SEPTIN9: variants seen among roughly 807,000 people sequenced by gnomAD.
The protein encoded by SEPTIN9 is septin-9.
Under a neutral mutation model 56.6 loss-of-function variants are expected in SEPTIN9, and 13 were observed. The ratio of observed to expected loss-of-function variants is 0.23; its 90% CI spans 0.15 to 0.37. The LOEUF is 0.37. SEPTIN9 is among the 10% of genes least tolerant of loss of function. SEPTIN9 has a pLI of 1.00. For missense variants in SEPTIN9, 650 were observed against 823.1 expected (o/e 0.79, Z 2.57); for synonymous variants, 332 against 334.1 (o/e 0.99, Z 0.07).
chr17:77,441,744 G>A (rs932058048), intron 3 of SEPTIN9, among the ~76,000 whole-genome samples: 2 of 152,168 alleles, frequency 1.3e-5, no homozygotes, highest in Non-Finnish European at 2.9e-5. Context: ...TGAACACCTG[G>A]TGCCTCTGTC....
rs750441161 is a variant in SEPTIN9 at position 77,323,242 on chromosome 17, A to G, written c.76+16045A>G. On this transcript the variant is annotated intron_variant, in intron 2 of 11. Coordinates refer to ENST00000427177, the MANE Select transcript of SEPTIN9 (RefSeq NM_001113491.2). This position sits in a 1 kb window ranked among gnomAD's most constrained non-coding sequence, Gnocchi z 6.8. ...TGGAGGGTTTGTCAGCAGGGCCGGC[A>G]TGAGTCATGGAGTGGTGACTGGCCG... Among the ~76,000 whole-genome samples, 6 of 152,028 alleles carry G rather than the reference A, an allele frequency of 3.9e-5. No homozygotes were observed. The highest frequency in any genetic ancestry group is 8.8e-5 in the Non-Finnish European group (6 of 67,980).
At chr17:77,444,421 T>G (rs1598384700) in intron 3 of SEPTIN9, among the ~76,000 whole-genome samples, 1 of 148,072 alleles carries the variant, frequency 6.8e-6, no homozygotes, top group African/African-American at 2.5e-5. Flanking sequence ...GGGACTGATT[T>G]GAGACACCGG....
intron 2 of SEPTIN9, among the ~76,000 whole-genome samples, chr17:77,320,509 G>A (rs938354050): frequency 2.0e-5 from 3 of 152,182 alleles, no homozygotes; most frequent in Non-Finnish European, 2.9e-5. Context: ...GATGAACTCC[G>A]TCTCAGAAGC....
chr17:77,320,196 A>T (rs2032856527), intron 2 of SEPTIN9: 1 of 1,598,248 alleles, frequency 6.3e-7, no homozygotes, highest in Admixed American at 1.7e-5. Flanking sequence ...TAGACCAGAC[A>T]AAGAGTGTTT....
chr17:77,351,929 G>C (rs1294809232), intron 2 of SEPTIN9, among the ~76,000 whole-genome samples: 1 of 152,214 alleles, frequency 6.6e-6, no homozygotes, highest in Non-Finnish European at 1.5e-5. Context: ...CTGGACGTGG[G>C]AAAATGCACT....
At chr17:77,410,348 A>G (rs923916613) in intron 3 of SEPTIN9, among the ~76,000 whole-genome samples, 13 of 152,264 alleles carry the variant, frequency 8.5e-5, no homozygotes, top group African/African-American at 2.9e-4. Context: ...TGATTTGTCC[A>G]CAGTTACATG....
intron 3 of SEPTIN9, among the ~76,000 whole-genome samples, chr17:77,424,468 C>T (rs1379115207): frequency 5.9e-5 from 9 of 152,174 alleles, no homozygotes; most frequent in Admixed American, 5.9e-4. Flanking sequence ...AGGGAAGGGG[C>T]TTCAGGAGGT....
intron 3 of SEPTIN9, among the ~76,000 whole-genome samples, chr17:77,407,797 C>T (rs1420499591): frequency 6.6e-6 from 1 of 152,210 alleles, no homozygotes; most frequent in Admixed American, 6.5e-5. Context: ...GGCGCTCATC[C>T]TTTGGGGTCA....
chr17:77,283,160 C>CTT (rs33965677), intron 1 of SEPTIN9, among the ~76,000 whole-genome samples: 2,362 of 132,318 alleles, frequency 0.018, 39 homozygotes, highest in African/African-American at 0.028. Context: ...CACTGGGTTT[C>CTT]TTTTTTTTTT....
chr17:77,483,738 C>T (rs2039553745), intron 4 of SEPTIN9: 1 of 152,284 alleles, frequency 6.6e-6, no homozygotes, highest in Non-Finnish European at 1.5e-5. Context: ...ACTGTGACAG[C>T]CTTGCCCTCT....
rs760539210 is a variant in SEPTIN9, at chr17:77,498,638, C to T, written c.1741C>T (p.Pro581Ser). The change falls in exon 12 of 12, where the codon CCA (proline) becomes TCA (serine). Residue 581 changes from proline (P) to serine (S), a missense_variant. Physicochemically the swap from Pro to Ser is moderately conservative, Grantham distance 74. Transcript: ENST00000427177. ...GGCCAACGGCATGGAGGAGAAGGAG[C>T]CAGAAGCCCCGGAGATGTAGACGCC... is the stretch of plus-strand genomic sequence containing the variant. The part of the protein sequence containing the change: ...AMANGMEEKE[P>S]EAPEM 6.2e-7 allele frequency: 1 copy of T among 1,609,460 alleles called. No homozygotes were observed. Among genetic ancestry groups the T allele is most frequent in the South Asian group, 1.1e-5 (1 of 90,586 alleles).
At chr17:77,285,555 G>A (rs1476585053) in intron 1 of SEPTIN9, among the ~76,000 whole-genome samples, 1 of 152,066 alleles carries the variant, frequency 6.6e-6, no homozygotes, top group African/African-American at 2.4e-5. Flanking sequence ...GTGCCACCGT[G>A]CCCAGCTAAT....
chr17:77,388,802 G>C (rs1367447448), intron 2 of SEPTIN9, among the ~76,000 whole-genome samples: 2 of 128,824 alleles, frequency 1.6e-5, no homozygotes, highest in African/African-American at 6.1e-5. Flanking sequence ...GGCCCCTGGT[G>C]TTAGGCGCTT....
chr17:77,305,930 G>A (rs2032244397), intron 1 of SEPTIN9, among the ~76,000 whole-genome samples: 2 of 135,784 alleles, frequency 1.5e-5, no homozygotes, highest in African/African-American at 5.6e-5. Flanking sequence ...GTGGGTGGAT[G>A]GATGGATGGA....
At chr17:77,378,297 A>G (rs1043541265) in intron 2 of SEPTIN9, among the ~76,000 whole-genome samples, 2 of 152,140 alleles carry the variant, frequency 1.3e-5, no homozygotes, top group African/African-American at 2.4e-5. Flanking sequence ...ATGGCAGTGT[A>G]GGGATGCCCA....
chr17:77,290,807 CCTGT>C (rs2143512067), intron 1 of SEPTIN9, among the ~76,000 whole-genome samples: 1 of 124,734 alleles, frequency 8.0e-6, no homozygotes, highest in East Asian at 2.1e-4. Flanking sequence ...AGAGTGAGAC[CCTGT>C]CTCATAAATA....
chr17:77,494,750 G>A (rs1460522917), intron 10 of SEPTIN9, among the ~76,000 whole-genome samples: 11 of 152,250 alleles, frequency 7.2e-5, no homozygotes, highest in African/African-American at 1.2e-4. Flanking sequence ...AACGGGAGGC[G>A]GCTCTAGAAT....
intron 2 of SEPTIN9, among the ~76,000 whole-genome samples, chr17:77,321,918 C>T (rs539924001): frequency 2.6e-4 from 40 of 152,328 alleles, no homozygotes; most frequent in Admixed American, 2.2e-3. Context: ...CAGCAGGAGC[C>T]GCAGGGCAGG....
chr17:77,353,894 G>A (rs1314342103), intron 2 of SEPTIN9, among the ~76,000 whole-genome samples: 3 of 152,168 alleles, frequency 2.0e-5, no homozygotes, highest in Admixed American at 2.0e-4. Context: ...CATTGCATGT[G>A]TGTGCACACA....
Sources: gnomAD v4.1 joint callset for allele counts (sites outside exome capture counted in the v4.1 genomes callset) on GRCh38, gnomAD v4.1.1 for gene constraint, Gnocchi (gnomAD v3.1) non-coding constraint, MANE v1.5 for transcripts, NCBI Gene and HGNC (gene_info 2026-07-23, HGNC 2026-07-21) for gene names.